Variants in PTPRC observed in about 807,000 individuals in gnomAD.
PTPRC encodes protein tyrosine phosphatase receptor type C, also known as receptor-type tyrosine-protein phosphatase C.
A neutral mutation model predicts 155.9 loss-of-function variants in PTPRC; 44 were observed. The observed-to-expected ratio is 0.28, with a 90% confidence interval of 0.22 to 0.36. PTPRC has a LOEUF of 0.36. Ranked by LOEUF, PTPRC falls within the 10% of genes least tolerant of loss-of-function variation. The pLI is 1.00. For synonymous variants in PTPRC, 525 were observed against 533.1 expected (o/e 0.98, Z 0.21); for missense variants, 1,401 against 1,564.6 (o/e 0.90, Z 1.76).
At chr1:198,682,983 A>G (rs182060191) in intron 2 of PTPRC, among the ~76,000 whole-genome samples, 28 of 152,256 alleles carry the variant, frequency 1.8e-4, no homozygotes, top group African/African-American at 6.3e-4. Context: ...CAAATACTGG[A>G]TTTAGCATTA....
At chr1:198,642,544 C>T (rs374344988) in intron 2 of PTPRC, among the ~76,000 whole-genome samples, 1 of 151,896 alleles carries the variant, frequency 6.6e-6, no homozygotes, top group Non-Finnish European at 1.5e-5. Flanking sequence ...CTCAGAAACA[C>T]GGAACTTACT....
intron 20 of PTPRC, 107 bp from the exon 21 acceptor site, chr1:198,734,089 A>G: frequency 9.2e-7 from 1 of 1,084,402 alleles, no homozygotes; most frequent in Middle Eastern, 2.9e-4. Context: ...GAAATTCACA[A>G]TCACAAAATG....
intron 31 of PTPRC, among the ~76,000 whole-genome samples, chr1:198,754,043 C>T (rs1396358506): frequency 1.3e-5 from 2 of 151,910 alleles, no homozygotes; most frequent in Admixed American, 6.6e-5. Context: ...TTTGTAAAGT[C>T]GAAGACAAAT....
At chr1:198,689,633 G>A (rs1206193765) in intron 2 of PTPRC, among the ~76,000 whole-genome samples, 1 of 152,138 alleles carries the variant, frequency 6.6e-6, no homozygotes, top group Non-Finnish European at 1.5e-5. Flanking sequence ...GGCCTACAGT[G>A]CTTGCTCCTT....
chr1:198,661,398 T>G (rs1663953393), intron 2 of PTPRC, among the ~76,000 whole-genome samples: 1 of 150,958 alleles, frequency 6.6e-6, no homozygotes, highest in African/African-American at 2.4e-5. Flanking sequence ...AAACAAAGAT[T>G]TAATAGGAAT....
chr1:198,735,419 T>G (rs1654589711), intron 23 of PTPRC, among the ~76,000 whole-genome samples, 167 bp downstream of exon 23: 1 of 151,542 alleles, frequency 6.6e-6, no homozygotes. Context: ...GGGTCAAATT[T>G]AAGTCACTGG....
intron 20 of PTPRC, among the ~76,000 whole-genome samples, chr1:198,732,784 A>G (rs1654454924): frequency 6.6e-6 from 1 of 151,916 alleles, no homozygotes; most frequent in Admixed American, 6.6e-5. Context: ...ATTAAGAATT[A>G]ATTTAATATA....
chr1:198,640,259 A>T (rs1051542456), intron 2 of PTPRC, among the ~76,000 whole-genome samples: 2 of 152,038 alleles, frequency 1.3e-5, no homozygotes, highest in Non-Finnish European at 2.9e-5. Flanking sequence ...ATGATGTAGT[A>T]TCTAAAAGGA....
intron 14 of PTPRC, among the ~76,000 whole-genome samples, 182 bp downstream of exon 14, chr1:198,718,484 A>T (rs72738058): frequency 5.9e-5 from 9 of 152,222 alleles, no homozygotes; most frequent in South Asian, 2.1e-4. Context: ...AGCTCAAGTC[A>T]GTGGTTTAAA....
chr1:198,743,892 G>A lies in PTPRC; in HGVS notation c.2698-162G>A, dbSNP rs978254396. ...TTGCTCATATTCCAGAAAACTCTGA[G>A]AGTGAACTTCCAGAATATTTAAATA... is the stretch of plus-strand genomic sequence containing the variant. On this transcript the variant is annotated intron_variant, in intron 25 of 32. Transcript: ENST00000442510. Among the ~76,000 whole-genome samples the A allele has an allele frequency of 4.0e-5, 6 of 151,804 alleles. No homozygotes were observed. In the East Asian group the frequency reaches 1.2e-3, roughly 30 times the overall value.
In PTPRC at chr1:198,641,814, T is replaced by G. The variant is rs749742441; in HGVS notation, c.73+2473T>G. 6.5e-4 allele frequency among the ~76,000 whole-genome samples: 99 copies of G among 152,178 alleles called. 2 individuals carry two copies. The Middle Eastern group carries it at 0.041, about 63-fold the overall frequency. On this transcript the variant is annotated intron_variant, in intron 2 of 32. Coordinates refer to ENST00000442510, the MANE Select transcript of PTPRC (RefSeq NM_002838.5). ...GTGAGGTATATGATGAGTTTTGTTATGAGTCATAACAGTTAAGACTCATTT... is the reference window on the plus strand; with the variant it reads ...GTGAGGTATATGATGAGTTTTGTTAGGAGTCATAACAGTTAAGACTCATTT...
At chr1:198,703,239 T>C in intron 6 of PTPRC, 59 bp from the exon 7 acceptor site, 5 of 1,607,920 alleles carry the variant, frequency 3.1e-6, no homozygotes, top group Non-Finnish European at 4.2e-6. Flanking sequence ...AGAGTTTTTC[T>C]TTCACCTTTT....
intron 6 of PTPRC, among the ~76,000 whole-genome samples, chr1:198,702,949 G>T (rs1440831653): frequency 6.6e-6 from 1 of 152,044 alleles, no homozygotes; most frequent in Non-Finnish European, 1.5e-5. Context: ...TAAAAATCTG[G>T]TATGTAATAA....
intron 9 of PTPRC, 84 bp from the exon 10 acceptor site, chr1:198,708,049 T>C: frequency 7.5e-7 from 1 of 1,330,482 alleles, no homozygotes; most frequent in Non-Finnish European, 1.1e-6. Flanking sequence ...TCAGTGGCTT[T>C]AACTGACATG....
At chr1:198,640,249 A>C (rs568855505) in intron 2 of PTPRC, among the ~76,000 whole-genome samples, 1 of 152,114 alleles carries the variant, frequency 6.6e-6, no homozygotes, top group African/African-American at 2.4e-5. Context: ...ATTTCTCTTT[A>C]TGATGTAGTA....
chr1:198,702,575 A>C, intron 6 of PTPRC, 45 bp downstream of exon 6: 1 of 1,609,004 alleles, frequency 6.2e-7, no homozygotes, highest in Non-Finnish European at 8.5e-7. Flanking sequence ...ATAGATAATG[A>C]AATGGAAACT....
intron 2 of PTPRC, among the ~76,000 whole-genome samples, chr1:198,653,566 A>G (rs1318479750): frequency 2.6e-5 from 4 of 151,988 alleles, no homozygotes; most frequent in African/African-American, 7.2e-5. Flanking sequence ...AAACATCTGT[A>G]TTTGCTAAAG....
intron 2 of PTPRC, among the ~76,000 whole-genome samples, chr1:198,667,532 C>T (rs1423017347): frequency 6.6e-6 from 1 of 152,120 alleles, no homozygotes; most frequent in Non-Finnish European, 1.5e-5. Flanking sequence ...TAAGATTTAG[C>T]CTTGGGTGCA....
chr1:198,754,007 T>C (rs932352587), intron 31 of PTPRC, among the ~76,000 whole-genome samples: 9 of 152,028 alleles, frequency 5.9e-5, no homozygotes, highest in African/African-American at 1.9e-4. Flanking sequence ...TTAAAATCCA[T>C]AAAATACTAA....
Sources: allele counts gnomAD v4.1 joint callset (sites outside exome capture counted in the v4.1 genomes callset), GRCh38; gene constraint gnomAD v4.1.1; transcripts MANE v1.5; gene names NCBI Gene and HGNC (gene_info 2026-07-23, HGNC 2026-07-21).